The following MTERF3 variants were observed in gnomAD, a reference collection of about 807,000 sequenced individuals.
The protein encoded by MTERF3 is transcription termination factor 3, mitochondrial.
In MTERF3, 40 loss-of-function variants were observed where a neutral mutation model predicts 40.5. That is an observed-to-expected ratio of 0.99 (90% CI 0.77 to 1.29). MTERF3 has a LOEUF of 1.29. Ranked by LOEUF, MTERF3 falls within the 50% of genes most tolerant of loss-of-function variation. The pLI is 0.00. For synonymous variants in MTERF3, 158 were observed against 166.6 expected (o/e 0.95, Z 0.40); for missense variants, 452 against 478.2 (o/e 0.95, Z 0.51).
At chr8:96,245,971 G>T in intron 5 of MTERF3, 40 bp from the exon 6 acceptor site, 1 of 1,556,968 alleles carries the variant, frequency 6.4e-7, no homozygotes, top group Non-Finnish European at 8.8e-7. Context: ...TACTATACGT[G>T]CATCTTTAAC....
At chr8:96,256,342 G>A (rs1413305484) in intron 3 of MTERF3, among the ~76,000 whole-genome samples, 1 of 152,076 alleles carries the variant, frequency 6.6e-6, no homozygotes, top group African/African-American at 2.4e-5. Context: ...AATCCACTCT[G>A]GAGAAATGAA....
rs1471821964 is a variant in MTERF3 at position 96,258,905 on chromosome 8, C to G, written c.-10-205G>C. 3.9e-5 allele frequency among the ~76,000 whole-genome samples: 6 copies of G among 152,240 alleles called. No individual in the cohort carries two copies. In the East Asian group the frequency reaches 7.7e-4, roughly 20 times the overall value. ...CAAGGCAATCTCAGTTACAAACCAA[C>G]AGACAGGAACTTCTGAGTGGAAAAA... On this transcript the variant is annotated intron_variant, in intron 1 of 7. Transcript: ENST00000287025.
Position 96,250,900 on chromosome 8 carries a change from T to C in MTERF3, c.677+6A>G, listed in dbSNP as rs1309000305. The C allele has an allele frequency of 1.9e-6, 3 of 1,597,920 alleles. No individual in the cohort carries two copies. The highest frequency in any genetic ancestry group is 2.6e-6 in the Non-Finnish European group (3 of 1,176,140). ...GGTTATATGAGAATCCTTTTAAAAG[T>C]CCTACCTGGTCTTCAGATTTTCAAG... is the stretch of plus-strand genomic sequence containing the variant. On this transcript the variant is annotated splice_donor_region_variant and intron_variant, in intron 4 of 7. Transcript: ENST00000287025.
chr8:96,248,025 G>A (rs527555601), intron 4 of MTERF3, among the ~76,000 whole-genome samples: 1 of 152,288 alleles, frequency 6.6e-6, no homozygotes, highest in East Asian at 1.9e-4. Context: ...AACAAATAAA[G>A]TACTCTTTTT....
intron 6 of MTERF3, among the ~76,000 whole-genome samples, chr8:96,244,616 G>C (rs930356933): frequency 2.0e-5 from 3 of 150,546 alleles, no homozygotes; most frequent in Non-Finnish European, 3.0e-5. Context: ...GGCCAGGCTG[G>C]TCTCAAACTC....
At chr8:96,260,776 A>G (rs1161525176) in intron 1 of MTERF3, among the ~76,000 whole-genome samples, 1 of 152,230 alleles carries the variant, frequency 6.6e-6, no homozygotes, top group Admixed American at 6.5e-5. Flanking sequence ...ACACATCTTA[A>G]CAATTGATTA....
rs756122298 is a variant in MTERF3 at position 96,244,017 on chromosome 8, T to G, written c.961A>C (p.Lys321Gln). ...EIQHMITRIP[K>Q]MLTANKMKLT... ...TTCATTTTATTTGCAGTTAACATCT[T>G]TGGGATTCTGGTGATCATATGTTGA... Residue 321 changes from lysine to glutamine, a missense_variant, in exon 7 of 8, where the codon AAG (lysine) becomes CAG (glutamine). Physicochemically the swap from Lys to Gln is moderately conservative, Grantham distance 53 (BLOSUM62 1). Coordinates refer to ENST00000287025, the MANE Select transcript of MTERF3 (RefSeq NM_015942.5). 2 of 1,613,986 alleles carry G rather than the reference T, an allele frequency of 1.2e-6. No individual in the cohort carries two copies. Among genetic ancestry groups the G allele is most frequent in the Non-Finnish European group, 1.7e-6 (2 of 1,179,830 alleles).
chr8:96,244,363 C>G (rs532758194), intron 6 of MTERF3, among the ~76,000 whole-genome samples: 52 of 152,096 alleles, frequency 3.4e-4, no homozygotes, highest in African/African-American at 1.2e-3. Flanking sequence ...CCCACCTTGG[C>G]CTCCCGAAGT....
intron 7 of MTERF3, 70 bp from the exon 8 acceptor site, chr8:96,239,755 G>T: frequency 8.1e-7 from 1 of 1,241,118 alleles, no homozygotes. Context: ...AGTTTACTTG[G>T]CAAAAATTTT....
At chr8:96,248,908 C>G (rs1039987114) in intron 4 of MTERF3, among the ~76,000 whole-genome samples, 2 of 152,100 alleles carry the variant, frequency 1.3e-5, no homozygotes, top group African/African-American at 4.8e-5. Context: ...ATACCTGTGC[C>G]TATTCAGTAT....
rs774812589 is a variant in MTERF3 at position 96,245,955 on chromosome 8, T to C, written c.826-24A>G. 7 of 1,598,778 alleles carry C rather than the reference T, an allele frequency of 4.4e-6. No individual in the cohort carries two copies. In the Admixed American group the frequency reaches 8.5e-5, roughly 19 times the overall value. ...GTCTGTGGTTGCAAACAAAACAATC[T>C]AGTATTACTATACGTGCATCTTTAA... On this transcript the variant is annotated intron_variant, in intron 5 of 7. Coordinates refer to ENST00000287025, the MANE Select transcript of MTERF3 (RefSeq NM_015942.5).
Position 96,256,954 on chromosome 8 carries a change from A to G in MTERF3, c.487+8T>C, listed in dbSNP as rs1377410208. On this transcript the variant is annotated splice_region_variant and intron_variant, in intron 3 of 7. Transcript: ENST00000287025. ...TGCAAAAAGTACTTGTAGTTTAGTC[A>G]AACTTACCTAGAAGAACCAACTTCT... 6.3e-7 allele frequency: 1 copy of G among 1,591,988 alleles called. No individual in the cohort carries two copies. Among genetic ancestry groups the G allele is most frequent in the Admixed American group, 1.9e-5 (1 of 53,222 alleles).
At chr8:96,248,991 T>A (rs1001071410) in intron 4 of MTERF3, among the ~76,000 whole-genome samples, 7 of 152,232 alleles carry the variant, frequency 4.6e-5, no homozygotes, top group Non-Finnish European at 1.0e-4. Flanking sequence ...TTTTTAAAAA[T>A]GTTCTACAGC....
chr8:96,239,596 G>C lies in MTERF3; in HGVS notation c.1149C>G (p.Asn383Lys), dbSNP rs762378020. Residue 383 changes from asparagine (N) to lysine (K), a missense_variant, in exon 8 of 8, where the codon AAC (asparagine) becomes AAG (lysine). Coordinates refer to ENST00000287025, the MANE Select transcript of MTERF3 (RefSeq NM_015942.5). The part of the protein sequence containing the change: ...GRAQYDPAKP[N>K]YISLDKLVSI... ...ATACTAGTTTGTCCAAAGAGATGTAGTTAGGTTTTGCTGGATCATACTGTG... is the reference window on the plus strand; with the variant it reads ...ATACTAGTTTGTCCAAAGAGATGTACTTAGGTTTTGCTGGATCATACTGTG... 17 of 1,612,840 alleles carry C rather than the reference G, an allele frequency of 1.1e-5. No individual in the cohort carries two copies. Among genetic ancestry groups the C allele is most frequent in the Non-Finnish European group, 1.4e-5 (17 of 1,179,648 alleles).
At chr8:96,257,550 T>TA (rs1810304238) in intron 2 of MTERF3, among the ~76,000 whole-genome samples, 1 of 152,222 alleles carries the variant, frequency 6.6e-6, no homozygotes, top group African/African-American at 2.4e-5. Flanking sequence ...CCTTCCAAGT[T>TA]ACCCTCAAAT....
intron 7 of MTERF3, among the ~76,000 whole-genome samples, chr8:96,240,204 C>T (rs1454574319): frequency 2.6e-5 from 4 of 151,084 alleles, no homozygotes; most frequent in Non-Finnish European, 4.4e-5. Flanking sequence ...GCCGAGATCG[C>T]GCCACTGCAC....
chr8:96,261,107 T>C (rs768315180), intron 1 of MTERF3, among the ~76,000 whole-genome samples: 36 of 152,354 alleles, frequency 2.4e-4, no homozygotes, highest in Non-Finnish European at 4.0e-4. Flanking sequence ...GCCTAGTGCT[T>C]CGCTAGAAAA....
At position 96,243,895 on chromosome 8, in the gene MTERF3, A is replaced by C. The variant is rs1388059882; in HGVS notation, c.1059+24T>G. The C allele has an allele frequency of 1.9e-6, 3 of 1,610,678 alleles. No individual in the cohort carries two copies. The Admixed American group carries it at 5.0e-5, about 27-fold the overall frequency. ...AATGAAGCGCAATGGCAGCGCTTAC[A>C]GAGAGAGCTGTGAGTGGCATTACCT... On this transcript the variant is annotated intron_variant, in intron 7 of 7. Coordinates refer to ENST00000287025, the MANE Select transcript of MTERF3 (RefSeq NM_015942.5).
In MTERF3 at chr8:96,250,981, T is replaced by C; in HGVS notation, c.602A>G (p.Glu201Gly). Residue 201 changes from glutamate to glycine, a missense_variant, in exon 4 of 8, where the codon GAG becomes GGG. By Grantham distance (98) the Glu-to-Gly change is moderately conservative. Transcript: ENST00000287025. Reference protein sequence around the residue: ...MLLFLKDVGIEDNQLGAFLTK... With the variant: ...MLLFLKDVGIGDNQLGAFLTK... ...CAGGAATGCTCCCAGTTGGTTATCC[T>C]CTATACCCACATCTTTAAGAAACAG... is the stretch of plus-strand genomic sequence containing the variant. The C allele has an allele frequency of 6.2e-7, 1 of 1,608,178 alleles. No homozygotes were observed. The highest frequency in any genetic ancestry group is 1.3e-5 in the African/African-American group (1 of 74,582).
Sources: gnomAD v4.1 joint callset for allele counts (sites outside exome capture counted in the v4.1 genomes callset) on GRCh38, gnomAD v4.1.1 for gene constraint, MANE v1.5 for transcripts, NCBI Gene and HGNC (gene_info 2026-07-23, HGNC 2026-07-21) for gene names.